The following COL17A1 variants were observed in gnomAD, a reference collection of about 807,000 sequenced individuals.
COL17A1 encodes the protein collagen type XVII alpha 1 chain, also known as collagen alpha-1(XVII) chain.
A neutral mutation model predicts 218.4 loss-of-function variants in COL17A1; 181 were observed. The ratio of observed to expected loss-of-function variants is 0.83; its 90% CI spans 0.73 to 0.94. The LOEUF (loss-of-function observed/expected upper bound fraction) is 0.94, where lower values mean the gene tolerates loss of function less well. COL17A1 is among the 40% of genes least tolerant of loss of function. The pLI is 0.00. For missense variants in COL17A1, 1,924 were observed against 1,945.9 expected, an observed-to-expected ratio of 0.99 and a Z score of 0.21; for synonymous variants, 721 against 731.0, an observed-to-expected ratio of 0.99 and a Z score of 0.22.
intron 24 of COL17A1, among the ~76,000 whole-genome samples, chr10:104,051,749 G>C (rs1564677795): frequency 6.6e-6 from 1 of 152,166 alleles, no homozygotes; most frequent in Non-Finnish European, 1.5e-5. Flanking sequence ...ATTTGGGCTG[G>C]GGCAGTAGAA....
rs145679696 is a variant in COL17A1, at chr10:104,058,082, GGTCCA to G, written c.1267+59_1267+63del. 325 of 1,607,434 alleles carry G rather than the reference GGTCCA, an allele frequency of 2.0e-4. No individual in the cohort carries two copies. In the African/African-American group the frequency reaches 4.1e-3, roughly 20 times the overall value. The stretch of plus-strand genomic sequence containing the variant: ...GCTTCCAGGCGAGGGACCATCATCT[GGTCCA>G]TTAGCCATAAGCAGCCCCACTGGAT... On this transcript the variant is annotated intron_variant, in intron 16 of 55. Transcript: ENST00000648076.
At chr10:104,032,872 A>G in intron 54 of COL17A1, 34 bp downstream of exon 54, 1 of 1,613,936 alleles carries the variant, frequency 6.2e-7, no homozygotes, top group Non-Finnish European at 8.5e-7. Context: ...GTGTTAACAC[A>G]GGATCCAGGG....
intron 5 of COL17A1, among the ~76,000 whole-genome samples, chr10:104,075,023 C>T (rs117355009): frequency 6.6e-6 from 1 of 152,342 alleles, no homozygotes; most frequent in East Asian, 1.9e-4. Flanking sequence ...TTGACCTCAG[C>T]ATTGCTGTAT....
chr10:104,055,203 A>G, intron 19 of COL17A1, 169 bp downstream of exon 19: 3 of 1,430,918 alleles, frequency 2.1e-6, no homozygotes, highest in Non-Finnish European at 2.9e-6. Flanking sequence ...TGCCTTATCT[A>G]AGATATTCTG....
intron 23 of COL17A1, among the ~76,000 whole-genome samples, chr10:104,052,712 C>T (rs2086482181): frequency 6.6e-6 from 1 of 152,168 alleles, no homozygotes; most frequent in African/African-American, 2.4e-5. Flanking sequence ...TGACTCTGCC[C>T]TGCCCTGCCC....
At chr10:104,038,654 A>G (rs1025871891) in intron 44 of COL17A1, 126 bp from the exon 45 acceptor site, 15 of 1,189,792 alleles carry the variant, frequency 1.3e-5, no homozygotes, top group Non-Finnish European at 1.7e-5. Flanking sequence ...GATAGTGGCA[A>G]GGAGAAGGGT....
At position 104,062,320 on chromosome 10, in the gene COL17A1, A is replaced by G; in HGVS notation, c.848T>C (p.Met283Thr). The G allele has an allele frequency of 1.2e-6, 2 of 1,614,224 alleles. No individual in the cohort carries two copies. Among genetic ancestry groups the G allele is most frequent in the Non-Finnish European group, 8.5e-7 (1 of 1,180,040 alleles). Residue 283 changes from methionine (M) to threonine (T), a missense_variant, in exon 12 of 56, where the codon ATG (methionine) becomes ACG (threonine). By Grantham distance (81) the Met-to-Thr change is moderately conservative (BLOSUM62 -1). Transcript: ENST00000648076. ...CAAGCTGGGGGCCAGATTGTTCTGC[A>G]TGCCAAACACTGTGAAAGCAACCAA... is the stretch of plus-strand genomic sequence containing the variant. ...GLSTSSSVFG[M>T]QNNLAPSLTT...
At chr10:104,042,353 T>A in intron 36 of COL17A1, 67 bp downstream of exon 36, 2 of 1,536,834 alleles carry the variant, frequency 1.3e-6, no homozygotes, top group African/African-American at 2.7e-5. Flanking sequence ...GAGGCCCATG[T>A]CCACCCTGAG....
intron 9 of COL17A1, among the ~76,000 whole-genome samples, chr10:104,066,189 C>T (rs1462871836): frequency 2.0e-5 from 3 of 152,142 alleles, no homozygotes; most frequent in African/African-American, 7.2e-5. Context: ...ACTAGGATTG[C>T]AATGCATTGT....
intron 15 of COL17A1, 101 bp from the exon 16 acceptor site, chr10:104,058,291 CTT>C (rs2086550802): frequency 6.6e-7 from 1 of 1,520,292 alleles, no homozygotes; most frequent in Admixed American, 1.8e-5. Flanking sequence ...TCTTAATAAA[CTT>C]GCTTTCAACG....
At chr10:104,074,327 C>T in intron 5 of COL17A1, 96 bp from the exon 6 acceptor site, 1 of 1,551,752 alleles carries the variant, frequency 6.4e-7, no homozygotes, top group Non-Finnish European at 8.9e-7. Flanking sequence ...TCTGGACCTC[C>T]ACAGCCCTCA....
At chr10:104,082,262 T>C (rs1409057822) in intron 1 of COL17A1, among the ~76,000 whole-genome samples, 2 of 152,068 alleles carry the variant, frequency 1.3e-5, no homozygotes, top group Admixed American at 1.3e-4. Context: ...AACAAAGGAG[T>C]CTAGCCTCAT....
At chr10:104,032,851 G>A in intron 54 of COL17A1, 55 bp downstream of exon 54, 2 of 1,612,158 alleles carry the variant, frequency 1.2e-6, no homozygotes, top group East Asian at 2.2e-5. Context: ...CTGCTTTTCA[G>A]TACGAGGTGG....
chr10:104,033,089 C>G lies in COL17A1; in HGVS notation c.4295-121G>C, dbSNP rs1329000382. 1.2e-5 allele frequency: 18 copies of G among 1,520,008 alleles called. 1 individual carries two copies. The East Asian group carries it at 4.4e-4, about 37-fold the overall frequency. The allele number at this position is 1,520,008 out of a possible 1,614,324, so 94.2% of individuals were successfully genotyped here. A position where few individuals can be genotyped will look rare whatever the true frequency, so the allele number is the denominator to read the frequency against. ...TGGAGTTTGGACGTGTAAGAGGAAACAAAGTTCAGAATTTATAGAATTTGT... is the reference window on the plus strand; with the variant it reads ...TGGAGTTTGGACGTGTAAGAGGAAAGAAAGTTCAGAATTTATAGAATTTGT... On this transcript the variant is annotated intron_variant, in intron 53 of 55. Coordinates refer to ENST00000648076, the MANE Select transcript of COL17A1 (RefSeq NM_000494.4).
chr10:104,038,231 T>TACACACACACACACAC (rs59808906), intron 45 of COL17A1, among the ~76,000 whole-genome samples, 175 bp downstream of exon 45: 6 of 142,008 alleles, frequency 4.2e-5, no homozygotes, highest in African/African-American at 1.6e-4. Flanking sequence ...TAGACACACA[T>TACACACACACACACAC]ACACACACAC....
chr10:104,032,433 G>C, intron 55 of COL17A1, 143 bp from the exon 56 acceptor site: 2 of 829,596 alleles, frequency 2.4e-6, no homozygotes, highest in Non-Finnish European at 4.0e-6. Flanking sequence ...TATTTAACTT[G>C]TTTGCCCCAT....
rs1426392934 is a variant in COL17A1 at position 104,056,974 on chromosome 10, C to T, written c.1465+1G>A. 6.4e-7 allele frequency: 1 copy of T among 1,570,328 alleles called. No individual in the cohort carries two copies. The highest frequency in any genetic ancestry group is 8.6e-7 in the Non-Finnish European group (1 of 1,158,398). ...GCTGCCCTGCTGCCTTTGCCACGTA[C>T]CCAGAGCAATGAGGCCGAAGAGCAG... On this transcript the variant is annotated splice_donor_variant, in intron 17 of 55. Coordinates refer to ENST00000648076, the MANE Select transcript of COL17A1 (RefSeq NM_000494.4). LOFTEE classifies it high-confidence loss of function.
intron 39 of COL17A1, among the ~76,000 whole-genome samples, chr10:104,040,737 G>A (rs1046713489): frequency 6.6e-6 from 1 of 152,122 alleles, no homozygotes; most frequent in Non-Finnish European, 1.5e-5. Flanking sequence ...TATGTTGTAC[G>A]GTCGGCACTT....
intron 24 of COL17A1, 60 bp downstream of exon 24, chr10:104,052,095 C>A (rs1589565902): frequency 6.2e-7 from 1 of 1,610,438 alleles, no homozygotes; most frequent in Non-Finnish European, 8.5e-7. Context: ...CTCTGTGATC[C>A]ATCCTGAATG....
Sources: allele counts gnomAD v4.1 joint callset (sites outside exome capture counted in the v4.1 genomes callset), GRCh38; gene constraint gnomAD v4.1.1; transcripts MANE v1.5; gene names NCBI Gene and HGNC (gene_info 2026-07-23, HGNC 2026-07-21).